Variants in WWOX observed in about 807,000 individuals in gnomAD.
The protein encoded by WWOX is WW domain-containing oxidoreductase.
A neutral mutation model predicts 46.2 loss-of-function variants in WWOX; 69 were observed. That is an observed-to-expected ratio of 1.49 (90% CI 1.23 to 1.82). The LOEUF is 1.82. Among genes scored for constraint, WWOX ranks in the 40% most tolerant of loss-of-function variants. WWOX has a pLI of 0.00. For synonymous variants in WWOX, 359 were observed against 202.6 expected, an observed-to-expected ratio of 1.77 and a Z score of -6.56; for missense variants, 919 against 542.6, an observed-to-expected ratio of 1.69 and a Z score of -6.89.
chr16:78,243,414 G>C (rs1215184175), intron 5 of WWOX, among the ~76,000 whole-genome samples: 1 of 151,978 alleles, frequency 6.6e-6, no homozygotes, highest in Non-Finnish European at 1.5e-5. Flanking sequence ...TGTTAAATAG[G>C]TAAATGACAT....
chr16:78,989,124 A>T (rs1174288739), intron 8 of WWOX, among the ~76,000 whole-genome samples: 1 of 152,130 alleles, frequency 6.6e-6, no homozygotes, highest in East Asian at 1.9e-4. Flanking sequence ...TAAAATTATC[A>T]GCATATTTAG....
intron 8 of WWOX, among the ~76,000 whole-genome samples, chr16:79,000,698 C>T (rs554754414): frequency 2.0e-5 from 3 of 152,134 alleles, no homozygotes; most frequent in Non-Finnish European, 2.9e-5. Flanking sequence ...GCCTTCTGAC[C>T]TTCAGAAAAT....
intron 8 of WWOX, among the ~76,000 whole-genome samples, chr16:78,490,423 T>A (rs945654986): frequency 6.6e-6 from 1 of 152,204 alleles, no homozygotes; most frequent in African/African-American, 2.4e-5. Context: ...TTTGGACTCC[T>A]TTGGTGCTCG....
At chr16:78,520,841 C>G (rs1241126900) in intron 8 of WWOX, among the ~76,000 whole-genome samples, 2 of 152,120 alleles carry the variant, frequency 1.3e-5, no homozygotes, top group Non-Finnish European at 2.9e-5. Context: ...TTTCTGAGCT[C>G]AGGGGAGCCT....
intron 6 of WWOX, among the ~76,000 whole-genome samples, chr16:78,415,804 T>C (rs931770249): frequency 7.9e-5 from 12 of 152,104 alleles, no homozygotes; most frequent in East Asian, 1.9e-4. Flanking sequence ...GTCACTCTCA[T>C]TGATGACAAC....
At chr16:79,053,735 G>A (rs908059286) in intron 8 of WWOX, among the ~76,000 whole-genome samples, 1 of 152,116 alleles carries the variant, frequency 6.6e-6, no homozygotes, top group Non-Finnish European at 1.5e-5. Flanking sequence ...GAGGATGCAG[G>A]CTTGGGAAGC....
chr16:79,017,474 A>G (rs528687971), intron 8 of WWOX: 1 of 147,050 alleles, frequency 6.8e-6, no homozygotes, highest in East Asian at 2.0e-4. Flanking sequence ...AAAGAAAGAA[A>G]TTACAGGTAG....
chr16:78,630,182 G>C (rs1401585904), intron 8 of WWOX, among the ~76,000 whole-genome samples: 1 of 152,182 alleles, frequency 6.6e-6, no homozygotes, highest in East Asian at 1.9e-4. Context: ...CGTGATGATT[G>C]TGTATTCCTC....
intron 8 of WWOX, among the ~76,000 whole-genome samples, chr16:78,710,758 G>A (rs2048428272): frequency 6.6e-6 from 1 of 151,118 alleles, no homozygotes; most frequent in Non-Finnish European, 1.5e-5. Context: ...GGGACCGCAG[G>A]TTCATGCTAC....
chr16:78,231,445 C>T (rs953364042), intron 5 of WWOX, among the ~76,000 whole-genome samples: 2 of 152,126 alleles, frequency 1.3e-5, no homozygotes, highest in African/African-American at 2.4e-5. Context: ...ATTGGAAATC[C>T]GCTCTCAGGT....
At chr16:78,337,023 C>T (rs1436640911) in intron 5 of WWOX, among the ~76,000 whole-genome samples, 1 of 152,116 alleles carries the variant, frequency 6.6e-6, no homozygotes, top group Non-Finnish European at 1.5e-5. Context: ...TCACGTGATC[C>T]ACCCGCCTTG....
At chr16:78,276,460 C>T (rs2079581006) in intron 5 of WWOX, among the ~76,000 whole-genome samples, 1 of 152,210 alleles carries the variant, frequency 6.6e-6, no homozygotes, top group African/African-American at 2.4e-5. Flanking sequence ...GAACAATGCA[C>T]AAAGCAGAGT....
At position 78,726,685 on chromosome 16, in the gene WWOX, C is replaced by T. The variant is rs143051251; in HGVS notation, c.1056+293933C>T. ...ATTTATTAGGGCTTTATGTAAAGCC[C>T]TAGGGTTAGTTGGTTGGTTGGTTTT... On this transcript the variant is annotated intron_variant, in intron 8 of 8. Coordinates refer to ENST00000566780, the MANE Select transcript of WWOX (RefSeq NM_016373.4). 3.0e-3 allele frequency among the ~76,000 whole-genome samples: 448 copies of T among 148,554 alleles called. 2 individuals carry two copies. Among genetic ancestry groups the T allele is most frequent in the African/African-American group, 0.011 (430 of 38,630 alleles).
chr16:78,126,047 C>G (rs187859222), intron 4 of WWOX, among the ~76,000 whole-genome samples: 13 of 152,088 alleles, frequency 8.5e-5, no homozygotes, highest in Non-Finnish European at 1.8e-4. Flanking sequence ...TCCCTTCTTT[C>G]GTGATTTTTC....
At chr16:78,655,137 A>T (rs576370831) in intron 8 of WWOX, among the ~76,000 whole-genome samples, 1 of 152,062 alleles carries the variant, frequency 6.6e-6, no homozygotes, top group African/African-American at 2.4e-5. Context: ...GGCTCAAACT[A>T]GCTTCGGGGA....
chr16:78,154,099 G>A (rs1289191447), intron 4 of WWOX, among the ~76,000 whole-genome samples: 1 of 152,136 alleles, frequency 6.6e-6, no homozygotes, highest in East Asian at 1.9e-4. Flanking sequence ...CCCTGTCTGG[G>A]TAAACAACTT....
chr16:78,153,812 C>G (rs966225307), intron 4 of WWOX, among the ~76,000 whole-genome samples: 1 of 152,094 alleles, frequency 6.6e-6, no homozygotes, highest in South Asian at 2.1e-4. Context: ...GGGACACTGC[C>G]CAAGTACATC....
intron 8 of WWOX, among the ~76,000 whole-genome samples, chr16:78,527,457 C>A (rs1013931666): frequency 1.3e-5 from 2 of 152,024 alleles, no homozygotes; most frequent in African/African-American, 4.8e-5. Flanking sequence ...TCACACCTGG[C>A]TAATTTTTGT....
At chr16:78,485,334 T>C (rs2084605051) in intron 8 of WWOX, among the ~76,000 whole-genome samples, 1 of 152,134 alleles carries the variant, frequency 6.6e-6, no homozygotes, top group Admixed American at 6.5e-5. Context: ...ATTTTGGCTC[T>C]GTGTTGGGCC....
Sources: gnomAD v4.1 joint callset for allele counts (sites outside exome capture counted in the v4.1 genomes callset) on GRCh38, gnomAD v4.1.1 for gene constraint, MANE v1.5 for transcripts, NCBI Gene and HGNC (gene_info 2026-07-23, HGNC 2026-07-21) for gene names.